The following ABCA1 variants were observed in gnomAD, a reference collection of about 807,000 sequenced individuals.
ABCA1 encodes phospholipid-transporting ATPase ABCA1.
Under a neutral mutation model 262.5 loss-of-function variants are expected in ABCA1, and 133 were observed. The observed-to-expected ratio is 0.51, with a 90% CI of 0.44 to 0.59. The LOEUF is 0.59. ABCA1 is among the 20% of genes least tolerant of loss of function. The probability of loss-of-function intolerance (pLI) is 0.00; values close to 1 mark genes in which losing one functional copy is unlikely to be tolerated. For missense variants in ABCA1, 2,452 were observed against 2,777.5 expected (o/e 0.88, Z 2.63); for synonymous variants, 1,022 against 1,043.5 (o/e 0.98, Z 0.40).
intron 1 of ABCA1, among the ~76,000 whole-genome samples, chr9:104,921,796 C>T (rs937171874): frequency 6.6e-6 from 1 of 152,064 alleles, no homozygotes; most frequent in Non-Finnish European, 1.5e-5. Context: ...TGAATTAAGG[C>T]CAGGGGAGAA....
At chr9:104,838,289 G>A (rs1319322399) in intron 9 of ABCA1, among the ~76,000 whole-genome samples, 1 of 135,776 alleles carries the variant, frequency 7.4e-6, no homozygotes, top group East Asian at 2.3e-4. Context: ...GGCAACAAGA[G>A]CGAAACTCTG....
intron 8 of ABCA1, among the ~76,000 whole-genome samples, chr9:104,841,512 C>A (rs1255937052): frequency 6.6e-6 from 1 of 152,128 alleles, no homozygotes; most frequent in Non-Finnish European, 1.5e-5. Flanking sequence ...CAGCTTACAG[C>A]CTTTGAAAAG....
rs1020139545 is a variant in ABCA1 at position 104,820,084 on chromosome 9, G to A, written c.2961-15C>T. 2 of 1,614,006 alleles carry A rather than the reference G, an allele frequency of 1.2e-6. No homozygotes were observed. The highest frequency in any genetic ancestry group is 2.7e-5 in the African/African-American group (2 of 74,912). ...CGACAGTCAGCCTGGGGACAGGGAG[G>A]CAGGTCAGCTCTGGGCCCTACTGGA... is the stretch of plus-strand genomic sequence containing the variant. On this transcript the variant is annotated splice_polypyrimidine_tract_variant and intron_variant, in intron 20 of 49. Coordinates refer to ENST00000374736, the MANE Select transcript of ABCA1 (RefSeq NM_005502.4).
intron 3 of ABCA1, among the ~76,000 whole-genome samples, chr9:104,887,052 C>T (rs1165161805): frequency 5.9e-5 from 9 of 152,050 alleles, no homozygotes; most frequent in Admixed American, 4.6e-4. Flanking sequence ...CTGAGGCGGG[C>T]GAATCACCTG....
At chr9:104,804,508 T>C in intron 32 of ABCA1, 118 bp downstream of exon 32, 1 of 850,474 alleles carries the variant, frequency 1.2e-6, no homozygotes, top group Middle Eastern at 2.3e-4. Context: ...AAACTTCCAA[T>C]AGACAGAATC....
intron 7 of ABCA1, among the ~76,000 whole-genome samples, chr9:104,856,386 A>G (rs146189513): frequency 6.6e-6 from 1 of 152,176 alleles, no homozygotes; most frequent in African/African-American, 2.4e-5. Context: ...AACCCGAGAT[A>G]TGCAGAAAGC....
chr9:104,882,627 C>T (rs1838790341), intron 5 of ABCA1, among the ~76,000 whole-genome samples: 1 of 152,236 alleles, frequency 6.6e-6, no homozygotes, highest in South Asian at 2.1e-4. Flanking sequence ...GAAAGAAGTG[C>T]TTAACTTTCA....
rs1345134365 is a variant in ABCA1 at position 104,862,723 on chromosome 9, C to G, written c.422-923G>C. Among the ~76,000 whole-genome samples, 111 of 45,326 alleles carry G rather than the reference C, an allele frequency of 2.4e-3. 20 individuals carry two copies. Among genetic ancestry groups the G allele is most frequent in the African/African-American group, 8.6e-3 (107 of 12,488 alleles). The allele number at this position is 45,326 out of a possible 152,430, so 29.7% of individuals were successfully genotyped here. ...CCGGCCCCCACCCCCACCCCCACCC[C>G]CACCCCCACCCCCACCCCCACCCCC... On this transcript the variant is annotated intron_variant, in intron 5 of 49. Coordinates refer to ENST00000374736, the MANE Select transcript of ABCA1 (RefSeq NM_005502.4).
At chr9:104,893,453 G>GA (rs1839947276) in intron 2 of ABCA1, among the ~76,000 whole-genome samples, 1 of 73,012 alleles carries the variant, frequency 1.4e-5, no homozygotes, top group South Asian at 4.6e-4. Flanking sequence ...AAAAAAAAAA[G>GA]AAAAGAAAAT....
At chr9:104,845,342 CATCACTTAT>C in intron 8 of ABCA1, 126 bp downstream of exon 8, 2 of 704,236 alleles carry the variant, frequency 2.8e-6, no homozygotes, top group Admixed American at 4.4e-5. Context: ...TTATTGTTTA[CATCACTTAT>C]ACTTTGAAAA....
At chr9:104,784,507 C>A (rs1828737898) in intron 49 of ABCA1, 52 bp from the exon 50 acceptor site, 1 of 1,609,000 alleles carries the variant, frequency 6.2e-7, no homozygotes, top group Non-Finnish European at 8.5e-7. Flanking sequence ...CTTGCTCATT[C>A]TTTATTCTAG....
At chr9:104,814,728 G>T (rs1406158952) in intron 25 of ABCA1, among the ~76,000 whole-genome samples, 1 of 152,194 alleles carries the variant, frequency 6.6e-6, no homozygotes, top group Non-Finnish European at 1.5e-5. Context: ...GAGCGCTGTG[G>T]CTCAGGCCTA....
At chr9:104,804,585 T>A (rs1471338291) in intron 32 of ABCA1, 41 bp downstream of exon 32, 7 of 1,465,896 alleles carry the variant, frequency 4.8e-6, no homozygotes, top group Non-Finnish European at 6.7e-6. Flanking sequence ...TTCCTCTAAT[T>A]AGTAATAATA....
chr9:104,800,397 G>T lies in ABCA1; in HGVS notation c.4773+113C>A, dbSNP rs1042048034. ...GCCTCACTGGTAAAGTTAATAGTTT[G>T]CTCTTTTCTGTTGTGAATGCCCCTG... On this transcript the variant is annotated intron_variant, in intron 35 of 49. Transcript: ENST00000374736. 4 of 976,928 alleles carry T rather than the reference G, an allele frequency of 4.1e-6. No individual in the cohort carries two copies. The Admixed American group carries it at 5.3e-5, about 13-fold the overall frequency. The allele number at this position is 976,928 out of a possible 1,614,324, so 60.5% of individuals were successfully genotyped here.
At position 104,844,559 on chromosome 9, in the gene ABCA1, CAT is replaced by C. The variant is rs551198619; in HGVS notation, c.813+916_813+917del. Among the ~76,000 whole-genome samples, 437 of 152,158 alleles carry C rather than the reference CAT, an allele frequency of 2.9e-3. 1 individual carries two copies. The highest frequency in any genetic ancestry group is 7.0e-3 in the South Asian group (34 of 4,824). On this transcript the variant is annotated intron_variant, in intron 8 of 49. Transcript: ENST00000374736. ...ATGCAATACTTTCATTGTTAGAAAACATAAAGTTCGTTTTTGATATTTGAAAA... is the reference window on the plus strand; with the variant it reads ...ATGCAATACTTTCATTGTTAGAAAACAAAGTTCGTTTTTGATATTTGAAAA...
intron 5 of ABCA1, among the ~76,000 whole-genome samples, chr9:104,868,857 C>T (rs1249975330): frequency 6.6e-6 from 1 of 152,052 alleles, no homozygotes; most frequent in Non-Finnish European, 1.5e-5. Context: ...CCTCTGGGAC[C>T]AAGCTGAGGA....
In ABCA1 at chr9:104,785,517, A is replaced by G; in HGVS notation, c.6524T>C (p.Met2175Thr). 6.2e-7 allele frequency: 1 copy of G among 1,614,196 alleles called. No individual in the cohort carries two copies. Among genetic ancestry groups the G allele is most frequent in the South Asian group, 1.1e-5 (1 of 91,086 alleles). Residue 2175 changes from methionine to threonine, a missense_variant, in exon 49 of 50, where the codon ATG (methionine) becomes ACG (threonine). Physicochemically the swap from Met to Thr is moderately conservative, Grantham distance 81 (BLOSUM62 -1). Coordinates refer to ENST00000374736, the MANE Select transcript of ABCA1 (RefSeq NM_005502.4). ...GSVLKEKHRN[M>T]LQYQLPSSLS... ...TGAAGATGGAAGCTGGTATTGTAGC[A>G]TGTTCCGGTGTTTCTCTTTTAGAAC... is the stretch of plus-strand genomic sequence containing the variant.
At position 104,831,607 on chromosome 9, in the gene ABCA1, T is replaced by C. The variant is rs754225355; in HGVS notation, c.1715+15A>G. ...CCTCCCCAAGACCAGGCTGGTGTGA[T>C]GGGATTCCACTTACCCATCCTTGAT... On this transcript the variant is annotated intron_variant, in intron 13 of 49. Transcript: ENST00000374736. 1 of 1,608,220 alleles carries C rather than the reference T, an allele frequency of 6.2e-7. No individual in the cohort carries two copies. Among genetic ancestry groups the C allele is most frequent in the African/African-American group, 1.3e-5 (1 of 74,826 alleles).
chr9:104,874,067 G>C (rs1837881129), intron 5 of ABCA1, among the ~76,000 whole-genome samples: 1 of 152,142 alleles, frequency 6.6e-6, no homozygotes, highest in South Asian at 2.1e-4. Flanking sequence ...CTGCTCCCTG[G>C]AGCTCACGTC....
Sources: allele counts gnomAD v4.1 joint callset (sites outside exome capture counted in the v4.1 genomes callset), GRCh38; gene constraint gnomAD v4.1.1; transcripts MANE v1.5; gene names NCBI Gene and HGNC (gene_info 2026-07-23, HGNC 2026-07-21).